PCDHGA5: variants seen among roughly 807,000 people sequenced by gnomAD.
PCDHGA5 encodes protocadherin gamma-A5.
PCDHGA5 carries 36 observed loss-of-function variants against 56.7 expected under a neutral mutation model. The observed-to-expected ratio is 0.64, with a 90% CI of 0.49 to 0.84. PCDHGA5 has a LOEUF of 0.84. PCDHGA5 is among the 40% of genes least tolerant of loss of function. PCDHGA5 has a pLI of 0.00. For synonymous variants in PCDHGA5, 563 were observed against 520.2 expected (o/e 1.08, Z -1.12); for missense variants, 1,305 against 1,201.5 (o/e 1.09, Z -1.27).
intron 2 of PCDHGA5, among the ~76,000 whole-genome samples, chr5:141,500,187 TA>T (rs56304898): frequency 0.051 from 5,679 of 110,700 alleles, 126 homozygotes; most frequent in Middle Eastern, 0.14. Flanking sequence ...TTTTTATTTT[TA>T]TTTATTTATT....
At chr5:141,478,528 G>A (rs1013766552) in intron 1 of PCDHGA5, 1 of 1,609,730 alleles carries the variant, frequency 6.2e-7, no homozygotes, top group Non-Finnish European at 8.5e-7. Context: ...TGGGTGCAGA[G>A]AGCGCCCCTC....
At chr5:141,471,892 T>C (rs1429425311) in intron 1 of PCDHGA5, among the ~76,000 whole-genome samples, 1 of 152,166 alleles carries the variant, frequency 6.6e-6, no homozygotes, top group Admixed American at 6.6e-5. Context: ...GCTAGGAAGA[T>C]TGACTACAGA....
chr5:141,419,738 C>T (rs745596534), intron 1 of PCDHGA5: 2 of 1,613,796 alleles, frequency 1.2e-6, no homozygotes, highest in Non-Finnish European at 1.7e-6. Flanking sequence ...AGGCGAGGTG[C>T]GCATGGTGCG....
intron 1 of PCDHGA5, chr5:141,478,602 T>C (rs2099466537): frequency 6.4e-7 from 1 of 1,563,560 alleles, no homozygotes; most frequent in Admixed American, 1.9e-5. Context: ...TCCTACATCA[T>C]ATTGAGGAAG....
At chr5:141,430,837 C>G (rs1350348914) in intron 1 of PCDHGA5, 1 of 1,560,074 alleles carries the variant, frequency 6.4e-7, no homozygotes, top group Non-Finnish European at 8.6e-7. Context: ...TGTGGGAGAC[C>G]GGATGCACCC....
chr5:141,480,710 T>C (rs1174000425), intron 1 of PCDHGA5, among the ~76,000 whole-genome samples: 1 of 152,042 alleles, frequency 6.6e-6, no homozygotes, highest in East Asian at 1.9e-4. Context: ...CCCCGACAAA[T>C]GAAAGCACAG....
intron 3 of PCDHGA5, among the ~76,000 whole-genome samples, chr5:141,506,923 C>G: frequency 6.6e-6 from 1 of 152,184 alleles, no homozygotes; most frequent in African/African-American, 2.4e-5. Flanking sequence ...ACATACTAAA[C>G]AAACTTTAGG....
chr5:141,392,194 T>C (rs1486735796), intron 1 of PCDHGA5: 1 of 152,238 alleles, frequency 6.6e-6, no homozygotes, highest in East Asian at 1.9e-4. Context: ...TCTATTTTAG[T>C]CTCAAGATAA....
chr5:141,370,623 G>A (rs1269464778), intron 1 of PCDHGA5: 3 of 1,613,940 alleles, frequency 1.9e-6, no homozygotes, highest in East Asian at 2.2e-5. Flanking sequence ...ATTCTTTACC[G>A]TGAGCCCCGA....
chr5:141,443,699 A>G (rs1433844997), intron 1 of PCDHGA5, among the ~76,000 whole-genome samples: 1 of 152,248 alleles, frequency 6.6e-6, no homozygotes, highest in African/African-American at 2.4e-5. Flanking sequence ...AAAATTATAG[A>G]ATAACATTTG....
At chr5:141,383,393 A>G in intron 1 of PCDHGA5, 1 of 1,613,922 alleles carries the variant, frequency 6.2e-7, no homozygotes, top group Non-Finnish European at 8.5e-7. Context: ...GTGGGCACGA[A>G]CTCCCTCCAG....
chr5:141,420,301 CT>C, intron 1 of PCDHGA5: 1 of 1,462,308 alleles, frequency 6.8e-7, no homozygotes, highest in Non-Finnish European at 9.2e-7. Flanking sequence ...GTATTTAATC[CT>C]TTTTATATTA....
intron 1 of PCDHGA5, chr5:141,372,861 T>C (rs1283954034): frequency 7.0e-7 from 1 of 1,420,218 alleles, no homozygotes; most frequent in South Asian, 1.4e-5. Context: ...TTTCAATTCA[T>C]TGATTTAGAG....
rs760095389 is a variant in PCDHGA5, at chr5:141,486,731, A to G, written c.2422-8076A>G. On this transcript the variant is annotated intron_variant, in intron 1 of 3. Transcript: ENST00000518069. The surrounding 1 kb of genome is among the most constrained non-coding windows in gnomAD (Gnocchi z 5.0). ...CCCCCAGACAGGAGCTGTTCATGCT[A>G]CTCGATCCTTTGACTATGAGCAAAC... The G allele has an allele frequency of 6.2e-7, 1 of 1,614,060 alleles. No individual in the cohort carries two copies. Among genetic ancestry groups the G allele is most frequent in the Non-Finnish European group, 8.5e-7 (1 of 1,180,012 alleles).
chr5:141,495,005 C>CG (rs2099758180), intron 2 of PCDHGA5, 140 bp downstream of exon 2: 6 of 1,522,802 alleles, frequency 3.9e-6, no homozygotes, highest in Admixed American at 2.0e-5. Context: ...TCTTGGTGTG[C>CG]GGGGGGCTGG....
chr5:141,478,941 A>G (rs889484528), intron 1 of PCDHGA5: 2 of 589,470 alleles, frequency 3.4e-6, no homozygotes, highest in Non-Finnish European at 5.6e-6. Context: ...TTCTAGGAAT[A>G]CAAAAACTAC....
chr5:141,404,330 T>C, intron 1 of PCDHGA5: 1 of 1,613,934 alleles, frequency 6.2e-7, no homozygotes, highest in African/African-American at 1.3e-5. Context: ...CTACTCAGTC[T>C]ACCTCCCGGA....
At chr5:141,411,302 G>T (rs1165336405) in intron 1 of PCDHGA5, 1 of 152,134 alleles carries the variant, frequency 6.6e-6, no homozygotes, top group Admixed American at 6.6e-5. Context: ...AGGCCCAGTG[G>T]CTCACACCTA....
intron 1 of PCDHGA5, among the ~76,000 whole-genome samples, chr5:141,460,317 A>G (rs1045494740): frequency 4.6e-5 from 7 of 152,260 alleles, no homozygotes; most frequent in African/African-American, 1.7e-4. Flanking sequence ...CTCCTTGCCT[A>G]CTGAAAACTT....
Sources: allele counts gnomAD v4.1 joint callset (sites outside exome capture counted in the v4.1 genomes callset), GRCh38; gene constraint gnomAD v4.1.1; non-coding constraint Gnocchi (gnomAD v3.1); transcripts MANE v1.5; gene names NCBI Gene and HGNC (gene_info 2026-07-23, HGNC 2026-07-21).